The following TBC1D32 variants were observed in gnomAD, a reference collection of about 807,000 sequenced individuals.
The protein encoded by TBC1D32 is TBC1 domain family member 32, also known as protein broad-minded.
Under a neutral mutation model 170.3 loss-of-function variants are expected in TBC1D32, and 151 were observed. The ratio of observed to expected loss-of-function variants is 0.89; its 90% CI spans 0.78 to 1.01. The LOEUF (loss-of-function observed/expected upper bound fraction) is 1.01, where lower values mean the gene tolerates loss of function less well. Ranked by LOEUF, TBC1D32 falls within the 50% of genes least tolerant of loss-of-function variation. The probability of loss-of-function intolerance (pLI) is 0.00; values close to 1 mark genes in which losing one functional copy is unlikely to be tolerated. For synonymous variants in TBC1D32, 498 were observed against 488.0 expected (o/e 1.02, Z -0.27); for missense variants, 1,464 against 1,457.1 (o/e 1.00, Z -0.08).
chr6:121,155,887 G>A lies in TBC1D32; in HGVS notation c.2773+4123C>T, dbSNP rs372972264. The stretch of plus-strand genomic sequence containing the variant: ...TGTGGTGAATTAACTTTTGCTGCTG[G>A]ATAAAAATATGCTGCTGGATTTCAT... On this transcript the variant is annotated intron_variant, in intron 24 of 31. Transcript: ENST00000398212. Among the ~76,000 whole-genome samples, 6 of 152,042 alleles carry A rather than the reference G, an allele frequency of 3.9e-5. No homozygotes were observed. In the East Asian group the frequency reaches 9.6e-4, roughly 24 times the overall value.
intron 10 of TBC1D32, among the ~76,000 whole-genome samples, chr6:121,296,722 T>G (rs933426491): frequency 3.0e-4 from 46 of 151,928 alleles, no homozygotes; most frequent in African/African-American, 1.0e-3. Context: ...ATACTTCTCC[T>G]TTGACCCATT....
chr6:121,317,762 A>G (rs1809135700), intron 2 of TBC1D32, 90 bp from the exon 3 acceptor site: 2 of 952,062 alleles, frequency 2.1e-6, no homozygotes, highest in Non-Finnish European at 3.0e-6. Flanking sequence ...TTTCTATAAA[A>G]AGGGAAGTCC....
intron 25 of TBC1D32, among the ~76,000 whole-genome samples, chr6:121,130,487 C>A (rs1352996519): frequency 1.3e-5 from 2 of 151,972 alleles, no homozygotes; most frequent in Non-Finnish European, 2.9e-5. Context: ...GTCTCAAAAA[C>A]TAAACAAAGT....
At chr6:121,093,380 C>A (rs1311198833) in intron 30 of TBC1D32, among the ~76,000 whole-genome samples, 1 of 152,100 alleles carries the variant, frequency 6.6e-6, no homozygotes. Context: ...TTGCCTGTTG[C>A]CCTGCTGCCA....
At chr6:121,262,517 C>T (rs1408109640) in intron 15 of TBC1D32, among the ~76,000 whole-genome samples, 1 of 150,988 alleles carries the variant, frequency 6.6e-6, no homozygotes, top group Non-Finnish European at 1.5e-5. Context: ...CGCTCTGTCA[C>T]CCAGGCTGGA....
chr6:121,269,696 A>G (rs888633622), intron 15 of TBC1D32, among the ~76,000 whole-genome samples: 2 of 152,210 alleles, frequency 1.3e-5, no homozygotes, highest in Admixed American at 6.5e-5. Flanking sequence ...AACATTAGAC[A>G]GATCAAAGAG....
intron 25 of TBC1D32, among the ~76,000 whole-genome samples, chr6:121,127,816 A>T (rs1387537061): frequency 6.6e-6 from 1 of 152,172 alleles, no homozygotes; most frequent in Non-Finnish European, 1.5e-5. Flanking sequence ...AGACACTTTT[A>T]TAACTCCAAA....
chr6:121,316,056 CT>C (rs1262955603), intron 3 of TBC1D32, among the ~76,000 whole-genome samples: 1 of 152,184 alleles, frequency 6.6e-6, no homozygotes, highest in Non-Finnish European at 1.5e-5. Flanking sequence ...AGCATGATTC[CT>C]CCTCAAGAAC....
At position 121,140,272 on chromosome 6, in the gene TBC1D32, A is replaced by G. The variant is rs548254031; in HGVS notation, c.2774-8520T>C. ...TTCGCTTCTGTTTTATATAATATAT[A>G]CCTCCCCCCACCCTGATCTCATTTA... On this transcript the variant is annotated intron_variant, in intron 24 of 31. Transcript: ENST00000398212. Among the ~76,000 whole-genome samples the G allele has an allele frequency of 5.3e-5, 8 of 150,704 alleles. 1 individual carries two copies. Among genetic ancestry groups the G allele is most frequent in the African/African-American group, 1.9e-4 (8 of 41,094 alleles).
At chr6:121,085,859 C>A (rs1282514510) in intron 31 of TBC1D32, among the ~76,000 whole-genome samples, 1 of 152,010 alleles carries the variant, frequency 6.6e-6, no homozygotes, top group East Asian at 1.9e-4. Context: ...AGAGACTTGA[C>A]TTAGTCTTGG....
intron 24 of TBC1D32, among the ~76,000 whole-genome samples, chr6:121,151,283 T>C (rs190850420): frequency 1.4e-3 from 208 of 152,328 alleles, no homozygotes; most frequent in African/African-American, 4.8e-3. Context: ...AGGAGCAGGT[T>C]GTTCAGTTTC....
intron 1 of TBC1D32, among the ~76,000 whole-genome samples, chr6:121,326,135 T>A (rs555484170): frequency 2.0e-5 from 3 of 152,312 alleles, no homozygotes; most frequent in Admixed American, 1.3e-4. Context: ...AGGATATATC[T>A]GTAATTGAGG....
intron 25 of TBC1D32, among the ~76,000 whole-genome samples, chr6:121,127,554 A>T (rs188019865): frequency 1.9e-4 from 29 of 152,238 alleles, no homozygotes; most frequent in Middle Eastern, 3.4e-3. Flanking sequence ...GTGTAGACAC[A>T]AATTTTGCCA....
intron 21 of TBC1D32, among the ~76,000 whole-genome samples, chr6:121,216,003 G>C (rs1793776540): frequency 6.6e-6 from 1 of 152,226 alleles, no homozygotes; most frequent in Non-Finnish European, 1.5e-5. Context: ...CCATTACTGG[G>C]TGTGATGGTT....
chr6:121,178,047 T>A (rs1189366057), intron 22 of TBC1D32, among the ~76,000 whole-genome samples: 1 of 152,066 alleles, frequency 6.6e-6, no homozygotes, highest in Non-Finnish European at 1.5e-5. Context: ...GGAAGGCACA[T>A]CTTACATGGC....
chr6:121,204,371 C>T (rs9320794), intron 22 of TBC1D32, among the ~76,000 whole-genome samples: 103,964 of 150,706 alleles, frequency 0.69, 41,249 homozygotes, highest in Non-Finnish European at 0.87. Flanking sequence ...TCTTAGGTGG[C>T]GAATTATCAT....
chr6:121,284,209 A>C (rs1230096064), intron 12 of TBC1D32, among the ~76,000 whole-genome samples: 1 of 152,068 alleles, frequency 6.6e-6, no homozygotes. Context: ...GATTAAGGCT[A>C]TTTGAGTTTA....
chr6:121,318,377 T>TA (rs1809222357), intron 2 of TBC1D32, among the ~76,000 whole-genome samples: 1 of 152,064 alleles, frequency 6.6e-6, no homozygotes, highest in South Asian at 2.1e-4. Context: ...CAAGCATCCA[T>TA]ATGAATATGA....
At chr6:121,241,265 A>G (rs1796950545) in intron 19 of TBC1D32, among the ~76,000 whole-genome samples, 200 bp downstream of exon 19, 1 of 152,162 alleles carries the variant, frequency 6.6e-6, no homozygotes, top group South Asian at 2.1e-4. Flanking sequence ...TATCACAGAA[A>G]CACAAAACCG....
Sources: allele counts gnomAD v4.1 joint callset (sites outside exome capture counted in the v4.1 genomes callset), GRCh38; gene constraint gnomAD v4.1.1; transcripts MANE v1.5; gene names NCBI Gene and HGNC (gene_info 2026-07-23, HGNC 2026-07-21).